EYS: variants seen among roughly 807,000 people sequenced by gnomAD.
EYS encodes EGF-like photoreceptor maintenance factor, also known as protein eyes shut homolog.
In EYS, 250 loss-of-function variants were observed where a neutral mutation model predicts 282.1. The ratio of observed to expected loss-of-function variants is 0.89; its 90% CI spans 0.80 to 0.98. The LOEUF (loss-of-function observed/expected upper bound fraction) is 0.98. Among genes scored for constraint, EYS ranks in the 50% least tolerant of loss-of-function variants. The pLI, the probability that EYS is intolerant of heterozygous loss-of-function variation, is 0.00. For synonymous variants in EYS, 1,355 were observed against 1,282.9 expected (o/e 1.06, Z -1.20); for missense variants, 4,016 against 3,709.0 (o/e 1.08, Z -2.15).
chr6:64,024,834 A>C (rs182435212), intron 33 of EYS, among the ~76,000 whole-genome samples: 58 of 152,156 alleles, frequency 3.8e-4, no homozygotes, highest in Non-Finnish European at 7.2e-4. Flanking sequence ...CGAACATCAG[A>C]AGGAACAAAC....
intron 26 of EYS, among the ~76,000 whole-genome samples, chr6:64,524,269 A>G (rs1411069169): frequency 6.6e-6 from 1 of 151,680 alleles, no homozygotes; most frequent in Admixed American, 6.6e-5. Context: ...ATAATTCCAC[A>G]TGTTTGAACT....
chr6:64,442,981 C>T (rs1027004716), intron 26 of EYS, among the ~76,000 whole-genome samples: 2 of 152,158 alleles, frequency 1.3e-5, no homozygotes, highest in Admixed American at 1.3e-4. Context: ...GACCACCATT[C>T]TCCAGAACTC....
intron 12 of EYS, among the ~76,000 whole-genome samples, chr6:65,251,680 C>T (rs75213792): frequency 2.5e-4 from 38 of 151,968 alleles, no homozygotes; most frequent in African/African-American, 7.2e-4. Context: ...GTAGAAGACC[C>T]AAATGCCAGT....
intron 14 of EYS, among the ~76,000 whole-genome samples, chr6:64,975,088 T>C (rs1770430642): frequency 6.6e-6 from 1 of 151,868 alleles, no homozygotes; most frequent in Non-Finnish European, 1.5e-5. Context: ...AATCTTTTTA[T>C]TTCTCTGAAA....
At chr6:64,621,925 G>C (rs188390192) in intron 23 of EYS, among the ~76,000 whole-genome samples, 58 of 152,208 alleles carry the variant, frequency 3.8e-4, no homozygotes, top group Non-Finnish European at 1.8e-4. Flanking sequence ...CACTTACTGG[G>C]TGTTCTACAT....
At chr6:64,405,823 G>A (rs1172488403) in intron 28 of EYS, among the ~76,000 whole-genome samples, 1 of 152,172 alleles carries the variant, frequency 6.6e-6, no homozygotes, top group African/African-American at 2.4e-5. Flanking sequence ...GGAAACAAGA[G>A]AGGAAACAAA....
In EYS at chr6:65,295,915, A is replaced by T. The variant is rs1189097279; in HGVS notation, c.1971T>A (p.Thr657=). 15 of 1,550,838 alleles carry T rather than the reference A, an allele frequency of 9.7e-6. No homozygotes were observed. The South Asian group carries it at 1.8e-4, about 18-fold the overall frequency. The change falls in exon 12 of 43, where the codon ACT becomes ACA. Residue 657 remains threonine (T), a synonymous_variant. Coordinates refer to ENST00000503581, the MANE Select transcript of EYS (RefSeq NM_001142800.2). ...AGAAATATCCCCTTAAATGTGTACT[A>T]GTTGTTCCATTTTTGCAGGACGCAG... The part of the protein sequence containing the change: ...CKSASCKNGT[T]STHLRGYFFR...
intron 14 of EYS, among the ~76,000 whole-genome samples, chr6:64,973,986 A>G (rs1223452385): frequency 6.6e-6 from 1 of 151,954 alleles, no homozygotes; most frequent in African/African-American, 2.4e-5. Flanking sequence ...AAATAAATTT[A>G]GAAAACATTC....
intron 12 of EYS, among the ~76,000 whole-genome samples, chr6:65,225,788 A>T (rs1003451325): frequency 1.3e-5 from 2 of 151,882 alleles, no homozygotes; most frequent in African/African-American, 4.8e-5. Context: ...AAAAAACTAC[A>T]TGATCAACTC....
At chr6:64,624,128 C>T (rs1049977337) in intron 23 of EYS, among the ~76,000 whole-genome samples, 2 of 152,058 alleles carry the variant, frequency 1.3e-5, no homozygotes, top group African/African-American at 4.8e-5. Flanking sequence ...TTGAATAACG[C>T]CTAGCAATAC....
intron 33 of EYS, among the ~76,000 whole-genome samples, chr6:64,026,238 T>C (rs1198601556): frequency 1.3e-5 from 2 of 152,020 alleles, no homozygotes; most frequent in Non-Finnish European, 2.9e-5. Flanking sequence ...AGGGGTTGTT[T>C]CTGCTGCTGT....
At chr6:65,235,409 CAT>C (rs1491017879) in intron 12 of EYS, among the ~76,000 whole-genome samples, 4 of 151,646 alleles carry the variant, frequency 2.6e-5, no homozygotes, top group Non-Finnish European at 5.9e-5. Context: ...GGATAAACTG[CAT>C]AAGACACAAT....
intron 22 of EYS, 123 bp downstream of exon 22, chr6:64,813,255 T>G: frequency 1.6e-6 from 1 of 620,626 alleles, no homozygotes; most frequent in South Asian, 2.8e-5. Flanking sequence ...TGTGCTTATA[T>G]ATATATAAGG....
At chr6:64,870,453 A>G (rs1262160467) in intron 19 of EYS, among the ~76,000 whole-genome samples, 1 of 149,294 alleles carries the variant, frequency 6.7e-6, no homozygotes, top group African/African-American at 2.5e-5. Context: ...AAAAGCTGGG[A>G]AGTGGGAGAA....
At chr6:63,977,412 A>G (rs1766889679) in intron 35 of EYS, among the ~76,000 whole-genome samples, 1 of 152,094 alleles carries the variant, frequency 6.6e-6, no homozygotes, top group African/African-American at 2.4e-5. Context: ...ACTAGAGCTT[A>G]CATGGAGATG....
chr6:65,283,769 A>AT (rs1768286049), intron 12 of EYS, among the ~76,000 whole-genome samples: 1 of 152,030 alleles, frequency 6.6e-6, no homozygotes, highest in South Asian at 2.1e-4. Context: ...TCTCTAGCAG[A>AT]TCTCATAAAG....
chr6:65,061,707 A>C (rs761998559), intron 12 of EYS, among the ~76,000 whole-genome samples: 1 of 151,864 alleles, frequency 6.6e-6, no homozygotes, highest in Non-Finnish European at 1.5e-5. Context: ...GTTTAACTGA[A>C]TTTTAATCTG....
intron 12 of EYS, among the ~76,000 whole-genome samples, chr6:65,281,518 A>G (rs990330589): frequency 6.6e-6 from 1 of 152,172 alleles, no homozygotes; most frequent in African/African-American, 2.4e-5. Flanking sequence ...TTTCAGAAAG[A>G]TCACTCTCAG....
At chr6:64,603,386 G>A (rs979426625) in intron 24 of EYS, among the ~76,000 whole-genome samples, 13 of 151,842 alleles carry the variant, frequency 8.6e-5, no homozygotes, top group South Asian at 4.1e-4. Flanking sequence ...GAGTTGAAGC[G>A]GAAAGAGTGA....
Sources: gnomAD v4.1 joint callset for allele counts (sites outside exome capture counted in the v4.1 genomes callset) on GRCh38, gnomAD v4.1.1 for gene constraint, MANE v1.5 for transcripts, NCBI Gene and HGNC (gene_info 2026-07-23, HGNC 2026-07-21) for gene names.